Variants in KHDRBS3 observed in about 807,000 individuals in gnomAD.
KHDRBS3 encodes the protein KH RNA binding domain containing, signal transduction associated 3.
KHDRBS3 carries 23 observed loss-of-function variants against 45.6 expected under a neutral mutation model. The ratio of observed to expected loss-of-function variants is 0.50; its 90% CI spans 0.36 to 0.72. KHDRBS3 has a LOEUF of 0.72. Among genes scored for constraint, KHDRBS3 ranks in the 30% least tolerant of loss-of-function variants. KHDRBS3 has a pLI of 0.00. For missense variants in KHDRBS3, 352 were observed against 424.8 expected, an observed-to-expected ratio of 0.83 and a Z score of 1.51; for synonymous variants, 162 against 156.5, an observed-to-expected ratio of 1.04 and a Z score of -0.26.
chr8:135,651,025 C>T (rs921918351), downstream of KHDRBS3, among the ~76,000 whole-genome samples: 1 of 152,124 alleles, frequency 6.6e-6, no homozygotes, highest in Non-Finnish European at 1.5e-5. Flanking sequence ...GCAAAGACCA[C>T]GTCTGTAAAG....
intron 1 of KHDRBS3, among the ~76,000 whole-genome samples, chr8:135,493,021 A>G (rs1457268021): frequency 6.6e-6 from 1 of 151,986 alleles, no homozygotes; most frequent in Non-Finnish European, 1.5e-5. Context: ...TTTTCAATGT[A>G]TAGGTCTTAC....
intron 7 of KHDRBS3, among the ~76,000 whole-genome samples, chr8:135,621,480 T>C (rs1442894821): frequency 2.0e-5 from 3 of 152,204 alleles, no homozygotes; most frequent in Non-Finnish European, 4.4e-5. Context: ...AAAGGGAAAT[T>C]TGATGTTTTC....
intron 1 of KHDRBS3, among the ~76,000 whole-genome samples, chr8:135,499,952 GT>G (rs1823649079): frequency 6.6e-6 from 1 of 152,154 alleles, no homozygotes; most frequent in Non-Finnish European, 1.5e-5. Context: ...AAAGTTTCCA[GT>G]TGTTAGCCTA....
chr8:135,516,857 G>A (rs1023583768), intron 1 of KHDRBS3, among the ~76,000 whole-genome samples: 3 of 151,884 alleles, frequency 2.0e-5, no homozygotes, highest in Admixed American at 2.0e-4. Context: ...CTAGAACAAA[G>A]GAAAAATAAT....
intron 2 of KHDRBS3, among the ~76,000 whole-genome samples, chr8:135,536,289 G>A (rs891939521): frequency 1.6e-5 from 2 of 125,314 alleles, no homozygotes; most frequent in African/African-American, 5.7e-5. Context: ...TGGATGTGAC[G>A]TTCCTTCCAA....
chr8:135,645,992 A>ATTTTTTTTTTTTTTTTTTTTT (rs57082119), intron 8 of KHDRBS3, among the ~76,000 whole-genome samples: 3 of 100,688 alleles, frequency 3.0e-5, no homozygotes, highest in Non-Finnish European at 3.7e-5. Flanking sequence ...TGCACCTTGG[A>ATTTTTTTTTTTTTTTTTTTTT]TTTTTTTTTT....
chr8:135,556,595 G>A (rs748951027), intron 4 of KHDRBS3, among the ~76,000 whole-genome samples: 10 of 152,118 alleles, frequency 6.6e-5, no homozygotes, highest in Non-Finnish European at 1.2e-4. Context: ...CTTTCTTCTT[G>A]TAAATTTGTT....
intron 1 of KHDRBS3, among the ~76,000 whole-genome samples, chr8:135,482,862 T>C (rs1241568493): frequency 1.3e-5 from 2 of 152,130 alleles, no homozygotes; most frequent in Non-Finnish European, 2.9e-5. Context: ...TGGCAGTAAA[T>C]GAAGTATTTG....
chr8:135,557,672 T>A, intron 5 of KHDRBS3, 85 bp downstream of exon 5: 1 of 988,122 alleles, frequency 1.0e-6, no homozygotes, highest in Non-Finnish European at 1.6e-6. Context: ...CAGTTCTATC[T>A]GAACAAAACT....
chr8:135,477,881 A>G (rs1002306931), intron 1 of KHDRBS3, among the ~76,000 whole-genome samples: 18 of 152,226 alleles, frequency 1.2e-4, no homozygotes, highest in African/African-American at 4.3e-4. Context: ...TACCGTGTTC[A>G]GATGTGTCCT....
At chr8:135,504,063 C>T (rs1458406797) in intron 1 of KHDRBS3, among the ~76,000 whole-genome samples, 2 of 152,094 alleles carry the variant, frequency 1.3e-5, no homozygotes, top group Non-Finnish European at 2.9e-5. Context: ...TCAAGGGGAC[C>T]GAGAGCCTTC....
rs773562336 is a variant in KHDRBS3, at chr8:135,645,101, G to A, written c.933G>A (p.Glu311=). The A allele has an allele frequency of 2.5e-6, 4 of 1,613,696 alleles. No individual in the cohort carries two copies. In the Admixed American group the frequency reaches 6.7e-5, roughly 27 times the overall value. Residue 311 remains glutamate (E), a synonymous_variant, in exon 8 of 9, where the codon GAG becomes GAA. Coordinates refer to ENST00000355849, the MANE Select transcript of KHDRBS3 (RefSeq NM_006558.3). ...ATTACGGACATGGACTCAGTGAGGA[G>A]ACTTATGATTCCTACGGTGAGTGAC... ...YYDYGHGLSE[E]TYDSYGQEEW... is the part of the protein sequence containing the mutation.
intron 1 of KHDRBS3, chr8:135,458,822 C>A: frequency 2.2e-6 from 1 of 455,044 alleles, no homozygotes; most frequent in African/African-American, 2.0e-5. Context: ...GTCAGGGATA[C>A]AGAGATTTCT....
In KHDRBS3 at chr8:135,468,648, T is replaced by C. The variant is rs184103385; in HGVS notation, c.88+10694T>C. Among the ~76,000 whole-genome samples the C allele has an allele frequency of 4.7e-3, 715 of 152,378 alleles. 2 individuals are homozygous for C. Among genetic ancestry groups the C allele is most frequent in the African/African-American group, 0.017 (688 of 41,580 alleles). On this transcript the variant is annotated intron_variant, in intron 1 of 8. Coordinates refer to ENST00000355849, the MANE Select transcript of KHDRBS3 (RefSeq NM_006558.3). ...GAAACAGGCAGTGTGCCATGGGCTG[T>C]GGTCTGCTTACCCTTCCCTGCTCTC...
chr8:135,577,356 G>A lies in KHDRBS3; in HGVS notation c.612-4522G>A, dbSNP rs1028436548. Among the ~76,000 whole-genome samples, 8 of 151,994 alleles carry A rather than the reference G, an allele frequency of 5.3e-5. No individual in the cohort carries two copies. In the East Asian group the frequency reaches 5.8e-4, roughly 11 times the overall value. ...AAGTGCTTTGTGTCATGTATTCACC[G>A]TCATTTTGGTATCATACAGAATAGT... On this transcript the variant is annotated intron_variant, in intron 5 of 8. Coordinates refer to ENST00000355849, the MANE Select transcript of KHDRBS3 (RefSeq NM_006558.3).
intron 7 of KHDRBS3, among the ~76,000 whole-genome samples, chr8:135,626,301 C>T (rs1283896176): frequency 6.6e-6 from 1 of 152,174 alleles, no homozygotes; most frequent in Non-Finnish European, 1.5e-5. Flanking sequence ...GCTTCAAAGC[C>T]TGATTTTTAA....
At chr8:135,589,484 C>T (rs989746408) in intron 6 of KHDRBS3, among the ~76,000 whole-genome samples, 1 of 152,150 alleles carries the variant, frequency 6.6e-6, no homozygotes, top group African/African-American at 2.4e-5. Flanking sequence ...AATTGCCGTC[C>T]CTTAAACATA....
chr8:135,470,275 C>G (rs1458333860), intron 1 of KHDRBS3, among the ~76,000 whole-genome samples: 1 of 151,936 alleles, frequency 6.6e-6, no homozygotes, highest in Non-Finnish European at 1.5e-5. Context: ...CTTGAAGTGC[C>G]TTATAAGATT....
intron 5 of KHDRBS3, among the ~76,000 whole-genome samples, chr8:135,559,412 G>T (rs1265192507): frequency 6.6e-6 from 1 of 152,164 alleles, no homozygotes; most frequent in Non-Finnish European, 1.5e-5. Context: ...GAGTGCAGTA[G>T]CACGATCTTG....
Sources: gnomAD v4.1 joint callset for allele counts (sites outside exome capture counted in the v4.1 genomes callset) on GRCh38, gnomAD v4.1.1 for gene constraint, MANE v1.5 for transcripts, NCBI Gene and HGNC (gene_info 2026-07-23, HGNC 2026-07-21) for gene names.